The following MCM6 variants were observed in gnomAD, a reference collection of about 807,000 sequenced individuals.
MCM6 encodes the protein DNA replication licensing factor MCM6.
A neutral mutation model predicts 94.3 loss-of-function variants in MCM6; 46 were observed. That is an observed-to-expected ratio of 0.49 (90% CI 0.39 to 0.62). MCM6 has a LOEUF of 0.62. MCM6 is among the 20% of genes least tolerant of loss of function. The pLI is 0.00. For synonymous variants in MCM6, 335 were observed against 351.9 expected, an observed-to-expected ratio of 0.95 and a Z score of 0.54; for missense variants, 865 against 1,017.9, an observed-to-expected ratio of 0.85 and a Z score of 2.04.
Position 135,857,959 on chromosome 2 carries a change from G to A in MCM6, c.1408C>T (p.Gln470Ter). 6.2e-7 allele frequency: 1 copy of A among 1,613,954 alleles called. No individual in the cohort carries two copies. Among genetic ancestry groups the A allele is most frequent in the Non-Finnish European group, 8.5e-7 (1 of 1,180,038 alleles). The change falls in exon 10 of 17, where the codon CAA (glutamine) becomes TAA (stop). Residue 470 changes from glutamine to a stop codon, truncating the protein, a stop_gained. Transcript: ENST00000264156. LOFTEE classifies it high-confidence loss of function. ...DEFDKMDVRD[Q>*]VAIHEAMEQQ... The stretch of plus-strand genomic sequence containing the variant: ...TCCATAGCTTCATGAATAGCAACTT[G>A]ATCCCGCACGTCCATCTTATCAAAT...
At position 135,876,443 on chromosome 2, in the gene MCM6, C is replaced by G. The variant is rs1419538515; in HGVS notation, c.-78G>C. On this transcript the variant is annotated 5_prime_UTR_variant, in exon 1 of 17. Coordinates refer to ENST00000264156, the MANE Select transcript of MCM6 (RefSeq NM_005915.6). Reference sequence around the variant, plus strand: ...CTTTTTTCCAGACGCTGCAGCTTTGCGCGCGCCGCCGCCGCTTCCGCCCCG... The same window carrying G: ...CTTTTTTCCAGACGCTGCAGCTTTGGGCGCGCCGCCGCCGCTTCCGCCCCG... 11 of 1,183,446 alleles carry G rather than the reference C, an allele frequency of 9.3e-6. No homozygotes were observed. The highest frequency in any genetic ancestry group is 1.0e-5 in the Non-Finnish European group (9 of 866,332). The allele number at this position is 1,183,446 out of a possible 1,614,324, so 73.3% of individuals were successfully genotyped here. A position where few individuals can be genotyped will look rare whatever the true frequency, so the allele number is the denominator to read the frequency against.
chr2:135,844,508 C>T, intron 16 of MCM6, 37 bp downstream of exon 16: 1 of 1,418,086 alleles, frequency 7.1e-7, no homozygotes, highest in Non-Finnish European at 9.2e-7. Flanking sequence ...AACTCCCTCC[C>T]TCCCTGATAC....
intron 7 of MCM6, among the ~76,000 whole-genome samples, chr2:135,864,219 A>C (rs551843458): frequency 2.9e-4 from 44 of 152,368 alleles, no homozygotes; most frequent in African/African-American, 1.1e-3. Flanking sequence ...CATCAGGCCT[A>C]AAATTTTAGT....
intron 7 of MCM6, 128 bp from the exon 8 acceptor site, chr2:135,862,876 G>A (rs1031624394): frequency 6.9e-5 from 62 of 893,060 alleles, no homozygotes; most frequent in Non-Finnish European, 8.5e-5. Flanking sequence ...GCATAAAACT[G>A]GAGTAATAAC....
chr2:135,850,128 G>A lies in MCM6; in HGVS notation c.1917+1274C>T, dbSNP rs577940646. ...AAAAAAAAAGTACAAATGTTAGCAT[G>A]GTTTTAGAATGACCTTGTCCCAGGG... is the stretch of plus-strand genomic sequence containing the variant. On this transcript the variant is annotated intron_variant, in intron 13 of 16. Transcript: ENST00000264156. Among the ~76,000 whole-genome samples, 7 of 152,208 alleles carry A rather than the reference G, an allele frequency of 4.6e-5. No homozygotes were observed. The South Asian group carries it at 1.5e-3, about 32-fold the overall frequency.
At chr2:135,842,523 C>T (rs938679554) in intron 16 of MCM6, among the ~76,000 whole-genome samples, 15 of 152,178 alleles carry the variant, frequency 9.9e-5, no homozygotes, top group African/African-American at 3.6e-4. Flanking sequence ...AAAGTCTCTA[C>T]CCTCACAGAG....
intron 7 of MCM6, among the ~76,000 whole-genome samples, chr2:135,863,723 TAACAAAACAAAACAA>T (rs55711144): frequency 7.5e-4 from 110 of 147,156 alleles, no homozygotes; most frequent in Admixed American, 1.0e-3. Context: ...AGTAAGACCC[TAACAAAACAAAACAA>T]AACAAAACAA....
chr2:135,862,984 C>T (rs1680024895), intron 7 of MCM6, among the ~76,000 whole-genome samples: 2 of 152,192 alleles, frequency 1.3e-5, no homozygotes, highest in Non-Finnish European at 2.9e-5. Flanking sequence ...CGTGCCAGTG[C>T]TCACCATCCT....
chr2:135,861,441 G>A (rs1679990994), intron 8 of MCM6, among the ~76,000 whole-genome samples: 1 of 152,078 alleles, frequency 6.6e-6, no homozygotes, highest in Non-Finnish European at 1.5e-5. Flanking sequence ...CTGAGAACAT[G>A]GCAGGTGCTC....
intron 13 of MCM6, among the ~76,000 whole-genome samples, chr2:135,850,596 A>G (rs1186818671): frequency 6.6e-6 from 1 of 152,224 alleles, no homozygotes; most frequent in African/African-American, 2.4e-5. Flanking sequence ...GAATTTGAAA[A>G]TTTAGTGGAA....
chr2:135,849,348 C>A (rs143132964), intron 13 of MCM6, among the ~76,000 whole-genome samples: 52 of 152,210 alleles, frequency 3.4e-4, no homozygotes, highest in African/African-American at 1.2e-3. Context: ...CAAGGTGAGT[C>A]CCTTGATGAC....
intron 12 of MCM6, chr2:135,852,003 A>C (rs1342379215): frequency 1.3e-5 from 2 of 154,184 alleles, no homozygotes; most frequent in African/African-American, 4.8e-5. Context: ...AGCTTTTCAG[A>C]GCAAGGAATT....
intron 9 of MCM6, among the ~76,000 whole-genome samples, 152 bp downstream of exon 9, chr2:135,859,148 CT>C (rs565725105): frequency 2.8e-4 from 43 of 152,338 alleles, no homozygotes; most frequent in Admixed American, 1.1e-3. Flanking sequence ...CCCACCTCGG[CT>C]TCCCAAAGTA....
At chr2:135,864,578 G>T (rs528151800) in intron 7 of MCM6, among the ~76,000 whole-genome samples, 1 of 152,222 alleles carries the variant, frequency 6.6e-6, no homozygotes, top group South Asian at 2.1e-4. Context: ...CATAAGGCCA[G>T]GAAATAAGAT....
At chr2:135,856,222 C>T (rs1374967628) in intron 11 of MCM6, among the ~76,000 whole-genome samples, 1 of 152,124 alleles carries the variant, frequency 6.6e-6, no homozygotes, top group African/African-American at 2.4e-5. Context: ...GGGTGTGCAT[C>T]ACTGGAGGCC....
rs1382025394 is a variant in MCM6 at position 135,851,515 on chromosome 2, G to A, written c.1804C>T (p.Arg602Cys). ...DFIVEQYKHL[R>C]QRDGSGVTKS... is the part of the protein sequence containing the mutation. Reference sequence around the variant, plus strand: ...GTCACTCCAGAACCATCTCTCTGGCGGAGATGTTTATATTGCTCCACAATG... The same window carrying A: ...GTCACTCCAGAACCATCTCTCTGGCAGAGATGTTTATATTGCTCCACAATG... Residue 602 changes from arginine to cysteine, a missense_variant, in exon 13 of 17, where the codon CGC becomes TGC. Arg to Cys is a radical substitution (Grantham distance 180, BLOSUM62 -3). Transcript: ENST00000264156. 4 of 1,612,954 alleles carry A rather than the reference G, an allele frequency of 2.5e-6. No homozygotes were observed. Among genetic ancestry groups the A allele is most frequent in the Non-Finnish European group, 3.4e-6 (4 of 1,179,596 alleles).
At chr2:135,876,121 G>A (rs1680291430) in intron 1 of MCM6, 138 bp downstream of exon 1, 1 of 624,470 alleles carries the variant, frequency 1.6e-6, no homozygotes, top group East Asian at 3.4e-5. Flanking sequence ...GGAGCCTAAA[G>A]TTGGGGGGCG....
chr2:135,841,033 G>C, intron 16 of MCM6, 82 bp from the exon 17 acceptor site: 1 of 964,522 alleles, frequency 1.0e-6, no homozygotes. Context: ...CCCTTCTTCC[G>C]AGTGTTTGCT....
In MCM6 at chr2:135,866,569, T is replaced by G. The variant is rs1680098124; in HGVS notation, c.775A>C (p.Thr259Pro). ...IVVPDVSKLS[T>P]PGARAETNSR... The stretch of plus-strand genomic sequence containing the variant: ...TGAGCCACAGATTACTGACCTGGTG[T>G]GCTAAGCTTGGAGACGTCAGGCACA... Residue 259 changes from threonine (T) to proline (P), a missense_variant, in exon 5 of 17, where the codon ACA becomes CCA. Physicochemically the swap from Thr to Pro is conservative, Grantham distance 38 (BLOSUM62 -1). Transcript: ENST00000264156. 2 of 1,611,920 alleles carry G rather than the reference T, an allele frequency of 1.2e-6. No individual in the cohort carries two copies. The highest frequency in any genetic ancestry group is 2.2e-5 in the East Asian group (1 of 44,878).
Sources: allele counts gnomAD v4.1 joint callset (sites outside exome capture counted in the v4.1 genomes callset), GRCh38; gene constraint gnomAD v4.1.1; transcripts MANE v1.5; gene names NCBI Gene and HGNC (gene_info 2026-07-23, HGNC 2026-07-21).